The following ARHGAP25 variants were observed in gnomAD, a reference collection of about 807,000 sequenced individuals.
ARHGAP25 encodes rho GTPase-activating protein 25.
In ARHGAP25, 34 loss-of-function variants were observed where a neutral mutation model predicts 71.0. That is an observed-to-expected ratio of 0.48 (90% CI 0.36 to 0.64). The LOEUF (loss-of-function observed/expected upper bound fraction) is 0.64, where lower values mean the gene tolerates loss of function less well. Ranked by LOEUF, ARHGAP25 falls within the 30% of genes least tolerant of loss-of-function variation. ARHGAP25 has a pLI of 0.00. For synonymous variants in ARHGAP25, 282 were observed against 296.5 expected, an observed-to-expected ratio of 0.95 and a Z score of 0.50; for missense variants, 706 against 805.1, an observed-to-expected ratio of 0.88 and a Z score of 1.49.
intron 1 of ARHGAP25, among the ~76,000 whole-genome samples, chr2:68,769,649 G>T (rs1323718345): frequency 6.6e-6 from 1 of 152,150 alleles, no homozygotes; most frequent in Admixed American, 6.5e-5. Flanking sequence ...CAAAGGCTAC[G>T]ATACACAGGT....
chr2:68,768,728 T>C (rs1336692586), intron 1 of ARHGAP25, among the ~76,000 whole-genome samples: 1 of 152,206 alleles, frequency 6.6e-6, no homozygotes, highest in East Asian at 1.9e-4. Flanking sequence ...CCCCCTAGTC[T>C]CTTTCTTAAT....
chr2:68,728,381 G>C (rs75578265), intron 2 of ARHGAP25, among the ~76,000 whole-genome samples: 4,394 of 152,212 alleles, frequency 0.029, 219 homozygotes, highest in African/African-American at 0.099. Flanking sequence ...ATACATTTCT[G>C]GTGGAAATGT....
At chr2:68,751,206 T>G in intron 1 of ARHGAP25, among the ~76,000 whole-genome samples, 1 of 152,150 alleles carries the variant, frequency 6.6e-6, no homozygotes, top group Non-Finnish European at 1.5e-5. Flanking sequence ...GGTGCAGGAC[T>G]TGCTCACTCA....
At chr2:68,717,900 C>G (rs552517307) in intron 2 of ARHGAP25, among the ~76,000 whole-genome samples, 36 of 152,224 alleles carry the variant, frequency 2.4e-4, no homozygotes, top group African/African-American at 8.2e-4. Context: ...ATAAAAAGAG[C>G]TCTGTTTTTT....
intron 1 of ARHGAP25, among the ~76,000 whole-genome samples, chr2:68,737,624 C>A (rs1675288869): frequency 6.6e-6 from 1 of 152,042 alleles, no homozygotes; most frequent in African/African-American, 2.4e-5. Flanking sequence ...TAGATGATCA[C>A]CAAAAGGGTG....
At chr2:68,787,255 A>T (rs2104400995) in intron 3 of ARHGAP25, among the ~76,000 whole-genome samples, 1 of 152,374 alleles carries the variant, frequency 6.6e-6, no homozygotes, top group East Asian at 1.9e-4. Flanking sequence ...ATGGTAAAGA[A>T]AGTTCTAACA....
At chr2:68,816,419 T>G (rs1290441740) in intron 7 of ARHGAP25, 57 bp downstream of exon 7, 13 of 1,417,918 alleles carry the variant, frequency 9.2e-6, no homozygotes, top group Non-Finnish European at 1.2e-5. Flanking sequence ...AAGAAGCTCC[T>G]AGTTAGAAGA....
At chr2:68,790,823 C>T (rs1478638077) in intron 4 of ARHGAP25, among the ~76,000 whole-genome samples, 2 of 152,218 alleles carry the variant, frequency 1.3e-5, no homozygotes, top group Admixed American at 6.5e-5. Flanking sequence ...CTCAGCTCAA[C>T]ATTCTCTGAT....
chr2:68,746,805 G>A (rs1349903780), intron 1 of ARHGAP25, among the ~76,000 whole-genome samples: 3 of 151,730 alleles, frequency 2.0e-5, no homozygotes, highest in Admixed American at 6.6e-5. Flanking sequence ...TTGGGCGTTC[G>A]AGACCAGACT....
At chr2:68,819,515 T>C (rs1681481878) in intron 9 of ARHGAP25, 196 bp downstream of exon 9, 1 of 709,736 alleles carries the variant, frequency 1.4e-6, no homozygotes, top group Non-Finnish European at 2.6e-6. Context: ...TTGGCATCTT[T>C]GAGGGGGGTG....
chr2:68,743,193 C>T (rs1177692088), intron 1 of ARHGAP25, among the ~76,000 whole-genome samples: 1 of 152,158 alleles, frequency 6.6e-6, no homozygotes, highest in Non-Finnish European at 1.5e-5. Flanking sequence ...GACCCTCCTC[C>T]ATGACTTAGT....
chr2:68,822,944 C>A (rs552980420), intron 10 of ARHGAP25, 72 bp downstream of exon 10: 1 of 1,445,292 alleles, frequency 6.9e-7, no homozygotes, highest in Non-Finnish European at 9.3e-7. Context: ...TGTTCCCATC[C>A]GCCAGAGAAG....
At chr2:68,755,219 A>C (rs1339001780) in intron 1 of ARHGAP25, among the ~76,000 whole-genome samples, 4 of 152,060 alleles carry the variant, frequency 2.6e-5, no homozygotes, top group Non-Finnish European at 5.9e-5. Flanking sequence ...TTTTCTCTCC[A>C]GCACTGCCCA....
intron 5 of ARHGAP25, among the ~76,000 whole-genome samples, chr2:68,808,099 A>C (rs926318160): frequency 6.7e-6 from 1 of 149,010 alleles, no homozygotes; most frequent in Non-Finnish European, 1.5e-5. Flanking sequence ...TCCTCCCACC[A>C]CCCCCTTCCT....
In ARHGAP25 at chr2:68,819,962, T is replaced by G. The variant is rs577396975; in HGVS notation, c.1200+643T>G. 1.7e-4 allele frequency among the ~76,000 whole-genome samples: 26 copies of G among 152,334 alleles called. No individual in the cohort carries two copies. The South Asian group carries it at 4.6e-3, about 27-fold the overall frequency. The stretch of plus-strand genomic sequence containing the variant: ...TTACAAAGAACATGTGAACTTTATA[T>G]AGTAGCTTGATCTTTATGTGTGGCC... On this transcript the variant is annotated intron_variant, in intron 9 of 10. Coordinates refer to ENST00000409202, the MANE Select transcript of ARHGAP25 (RefSeq NM_001007231.3).
intron 2 of ARHGAP25, chr2:68,775,716 G>A (rs1677842850): frequency 3.5e-6 from 2 of 569,398 alleles, no homozygotes; most frequent in Non-Finnish European, 6.6e-6. Context: ...AGGGCTCAGA[G>A]AGAGTGGATT....
intron 1 of ARHGAP25, among the ~76,000 whole-genome samples, chr2:68,772,217 T>C (rs1200907774): frequency 6.6e-6 from 1 of 152,266 alleles, no homozygotes; most frequent in African/African-American, 2.4e-5. Context: ...TCAATGCTGT[T>C]GGAGACCTTC....
chr2:68,734,898 C>G lies in ARHGAP25; in HGVS notation c.-302C>G. 2.4e-6 allele frequency: 1 copy of G among 425,340 alleles called. No individual in the cohort carries two copies. Among genetic ancestry groups the G allele is most frequent in the Non-Finnish European group, 4.2e-6 (1 of 236,124 alleles). The allele number at this position is 425,340 out of a possible 1,614,324, so 26.3% of individuals were successfully genotyped here. On this transcript the variant is annotated 5_prime_UTR_variant, in exon 1 of 11. Coordinates refer to ENST00000409202, the MANE Select transcript of ARHGAP25 (RefSeq NM_001007231.3). ...CCCATGACGCAGAGGGAAGTGTCAA[C>G]TGGGATATTTCTGGTAAAACTGAAA...
At chr2:68,783,740 G>A (rs1021456093) in intron 3 of ARHGAP25, among the ~76,000 whole-genome samples, 105 of 152,292 alleles carry the variant, frequency 6.9e-4, no homozygotes, top group Non-Finnish European at 7.4e-4. Context: ...TGGGATTACA[G>A]ATGTGAGCCA....
Sources: allele counts gnomAD v4.1 joint callset (sites outside exome capture counted in the v4.1 genomes callset), GRCh38; gene constraint gnomAD v4.1.1; transcripts MANE v1.5; gene names NCBI Gene and HGNC (gene_info 2026-07-23, HGNC 2026-07-21).